Variants in MASP1 observed in about 807,000 individuals in gnomAD.
The protein encoded by MASP1 is MBL associated serine protease 1, also known as mannan-binding lectin serine protease 1.
MASP1 carries 59 observed loss-of-function variants against 77.1 expected under a neutral mutation model. The observed-to-expected ratio is 0.77, with a 90% CI of 0.62 to 0.95. The LOEUF is 0.95. Ranked by LOEUF, MASP1 falls within the 40% of genes least tolerant of loss-of-function variation. The probability of loss-of-function intolerance (pLI) is 0.00; values close to 1 mark genes in which losing one functional copy is unlikely to be tolerated. For missense variants in MASP1, 885 were observed against 912.9 expected, an observed-to-expected ratio of 0.97 and a Z score of 0.39; for synonymous variants, 362 against 354.5, an observed-to-expected ratio of 1.02 and a Z score of -0.24.
chr3:187,225,316 G>A, intron 13 of MASP1: 1 of 1,612,578 alleles, frequency 6.2e-7, no homozygotes, highest in East Asian at 2.2e-5. Context: ...GGAGGTAGGG[G>A]AAAGTACCTT....
chr3:187,233,034 C>T (rs753911347), downstream of MASP1, among the ~76,000 whole-genome samples: 12 of 152,136 alleles, frequency 7.9e-5, no homozygotes, highest in South Asian at 2.1e-4. Context: ...CCACTTAAAT[C>T]GATTTAAACT....
intron 4 of MASP1, among the ~76,000 whole-genome samples, chr3:187,257,265 C>A (rs1277150438): frequency 6.6e-6 from 1 of 152,122 alleles, no homozygotes; most frequent in Non-Finnish European, 1.5e-5. Context: ...TTGACACACA[C>A]CCTCACTCCT....
At position 187,234,921 on chromosome 3, in the gene MASP1, T is replaced by C. The variant is rs1407751327; in HGVS notation, c.*763A>G. 7.8e-7 allele frequency: 1 copy of C among 1,287,192 alleles called. No individual in the cohort carries two copies. The highest frequency in any genetic ancestry group is 1.0e-6 in the Non-Finnish European group (1 of 988,636). The allele number at this position is 1,287,192 out of a possible 1,614,324, so 79.7% of individuals were successfully genotyped here. A position where few individuals can be genotyped will look rare whatever the true frequency, so the allele number is the denominator to read the frequency against. Reference sequence around the variant, plus strand: ...TCAGCTGGTGTTCCAGGGTGGCATATGGGCCCAAATGTGTTCTGAGTTGAC... The same window carrying C: ...TCAGCTGGTGTTCCAGGGTGGCATACGGGCCCAAATGTGTTCTGAGTTGAC... On this transcript the variant is annotated 3_prime_UTR_variant, in exon 11 of 11. Coordinates refer to ENST00000296280, the MANE Select transcript of MASP1 (RefSeq NM_139125.4).
rs974723904 is a variant in MASP1, at chr3:187,260,645, G to C, written c.547+96C>G. On this transcript the variant is annotated intron_variant, in intron 4 of 10. Transcript: ENST00000296280. ...TGCATCATTGACTTCATTTTTACTT[G>C]TTCCTATTGCATATCTGTCTTTCTC... is the stretch of plus-strand genomic sequence containing the variant. 30 of 1,540,386 alleles carry C rather than the reference G, an allele frequency of 1.9e-5. No homozygotes were observed. In the African/African-American group the frequency reaches 4.1e-4, roughly 21 times the overall value.
In MASP1 at chr3:187,254,241, A is replaced by C. The variant is rs144435034; in HGVS notation, c.745-926T>G. ...TATGCTGTATGTTTATAATTGATGTAAAATCTATGTAACCTATAGAAGTAA... is the reference window on the plus strand; with the variant it reads ...TATGCTGTATGTTTATAATTGATGTCAAATCTATGTAACCTATAGAAGTAA... On this transcript the variant is annotated intron_variant, in intron 5 of 10. Transcript: ENST00000296280. 2.5e-3 allele frequency among the ~76,000 whole-genome samples: 375 copies of C among 152,364 alleles called. 2 individuals are homozygous for C. The highest frequency in any genetic ancestry group is 8.3e-3 in the African/African-American group (347 of 41,580).
intron 2 of MASP1, among the ~76,000 whole-genome samples, chr3:187,264,439 A>T (rs964506287): frequency 6.6e-6 from 1 of 152,006 alleles, no homozygotes; most frequent in African/African-American, 2.4e-5. Flanking sequence ...AGCTTTACCT[A>T]ACTATAACTA....
chr3:187,254,731 G>C (rs1388366035), intron 5 of MASP1, among the ~76,000 whole-genome samples: 1 of 152,130 alleles, frequency 6.6e-6, no homozygotes, highest in African/African-American at 2.4e-5. Flanking sequence ...GTTTGCAGGA[G>C]GTTGGGGGCA....
chr3:187,243,675 C>T (rs1713846266), intron 8 of MASP1, 54 bp from the exon 9 acceptor site: 1 of 1,606,142 alleles, frequency 6.2e-7, no homozygotes, highest in Non-Finnish European at 8.5e-7. Context: ...CCTCCTTTGG[C>T]TATCTGATGG....
exon 16 of MASP1, chr3:187,218,679 G>A (rs1389950856): frequency 6.6e-6 from 1 of 152,438 alleles, no homozygotes; most frequent in East Asian, 1.9e-4. Context: ...TACAGGTCAA[G>A]AGTTAAAGTC....
At chr3:187,261,722 A>G (rs1579539697) in intron 3 of MASP1, among the ~76,000 whole-genome samples, 2 of 152,326 alleles carry the variant, frequency 1.3e-5, no homozygotes, top group South Asian at 4.1e-4. Context: ...TCTCTTACAT[A>G]TTTACTCAAT....
chr3:187,261,022 CA>C, intron 3 of MASP1, 150 bp from the exon 4 acceptor site: 1 of 955,458 alleles, frequency 1.0e-6, no homozygotes, highest in Non-Finnish European at 1.6e-6. Context: ...CAGAGGTAGC[CA>C]TTATCTTCAC....
chr3:187,238,135 G>T (rs1222837650), intron 10 of MASP1, among the ~76,000 whole-genome samples: 3 of 152,194 alleles, frequency 2.0e-5, no homozygotes, highest in Admixed American at 6.5e-5. Flanking sequence ...CCCTAATCTG[G>T]TAAGGGACAC....
rs557247721 is a variant in MASP1 at position 187,246,768 on chromosome 3, C to T, written c.1091-3147G>A. ...CTCTAATGATGACATTTCAGCCCTG[C>T]GCCAGATAGGGGTAGAAGGGATACT... On this transcript the variant is annotated intron_variant, in intron 8 of 10. Coordinates refer to ENST00000296280, the MANE Select transcript of MASP1 (RefSeq NM_139125.4). The T allele has an allele frequency of 8.8e-5, 85 of 964,076 alleles. No homozygotes were observed. In the East Asian group the frequency reaches 2.3e-3, roughly 27 times the overall value. 59.7% of individuals were successfully genotyped at this position (964,076 alleles called of 1,614,324 possible).
chr3:187,262,997 A>T lies in MASP1; in HGVS notation c.238-277T>A, dbSNP rs1248811607. On this transcript the variant is annotated intron_variant, in intron 2 of 10. Coordinates refer to ENST00000296280, the MANE Select transcript of MASP1 (RefSeq NM_139125.4). Reference sequence around the variant, plus strand: ...CCAAGCAGCTTATTTATTAAAAATAACTCAATATGAAAGTTTTAAAAAGTT... The same window carrying T: ...CCAAGCAGCTTATTTATTAAAAATATCTCAATATGAAAGTTTTAAAAAGTT... The T allele has an allele frequency of 7.2e-6, 3 of 417,584 alleles. No individual in the cohort carries two copies. In the Admixed American group the frequency reaches 1.2e-4, roughly 17 times the overall value. 25.9% of individuals were successfully genotyped at this position (417,584 alleles called of 1,614,324 possible).
chr3:187,265,932 G>C (rs1715982088), intron 2 of MASP1, among the ~76,000 whole-genome samples: 1 of 152,118 alleles, frequency 6.6e-6, no homozygotes, highest in South Asian at 2.1e-4. Context: ...GGGGTCACTG[G>C]TCCCGGTTAA....
intron 2 of MASP1, among the ~76,000 whole-genome samples, chr3:187,269,550 G>A (rs765578615): frequency 6.6e-6 from 1 of 152,116 alleles, no homozygotes; most frequent in Non-Finnish European, 1.5e-5. Context: ...AAGATCAGAG[G>A]CAAGAGCCAC....
At position 187,236,245 on chromosome 3, in the gene MASP1, G is replaced by A. The variant is rs1225605156; in HGVS notation, c.1626C>T (p.His542=). The part of the protein sequence containing the change: ...VNSSAARVVL[H]PDFNIQNYNH... ...TGTAGTTTTGGATGTTGAAGTCTGGGTGGAGCACCACTCGGGCAGCTGAGC... is the reference window on the plus strand; with the variant it reads ...TGTAGTTTTGGATGTTGAAGTCTGGATGGAGCACCACTCGGGCAGCTGAGC... The change falls in exon 11 of 11, where the codon CAC becomes CAT. Residue 542 remains histidine, a synonymous_variant. Coordinates refer to ENST00000296280, the MANE Select transcript of MASP1 (RefSeq NM_139125.4). The A allele has an allele frequency of 1.2e-5, 19 of 1,614,256 alleles. No homozygotes were observed. The highest frequency in any genetic ancestry group is 1.6e-5 in the Non-Finnish European group (19 of 1,180,052).
intron 10 of MASP1, among the ~76,000 whole-genome samples, chr3:187,237,529 G>T (rs1713283676): frequency 6.6e-6 from 1 of 152,224 alleles, no homozygotes; most frequent in Non-Finnish European, 1.5e-5. Flanking sequence ...ACCCTACTCT[G>T]GGCCACCCAT....
At chr3:187,240,113 C>G (rs1308625338) in intron 10 of MASP1, among the ~76,000 whole-genome samples, 1 of 136,818 alleles carries the variant, frequency 7.3e-6, no homozygotes, top group African/African-American at 2.8e-5. Context: ...GATTGTGAGG[C>G]CCCTCCAGCC....
Sources: gnomAD v4.1 joint callset for allele counts (sites outside exome capture counted in the v4.1 genomes callset) on GRCh38, gnomAD v4.1.1 for gene constraint, MANE v1.5 for transcripts, NCBI Gene and HGNC (gene_info 2026-07-23, HGNC 2026-07-21) for gene names.